LRRIQ1: variants seen among roughly 807,000 people sequenced by gnomAD.
LRRIQ1 encodes leucine rich repeats and IQ motif containing 1.
A neutral mutation model predicts 211.9 loss-of-function variants in LRRIQ1; 210 were observed. That is an observed-to-expected ratio of 0.99 (90% CI 0.89 to 1.11). LRRIQ1 has a LOEUF of 1.11. Among genes scored for constraint, LRRIQ1 ranks in the 50% most tolerant of loss-of-function variants. LRRIQ1 has a pLI of 0.00. For synonymous variants in LRRIQ1, 699 were observed against 650.1 expected (o/e 1.08, Z -1.14); for missense variants, 2,136 against 1,939.5 (o/e 1.10, Z -1.90).
At chr12:85,185,464 A>G (rs1892180907) in intron 24 of LRRIQ1, among the ~76,000 whole-genome samples, 1 of 151,930 alleles carries the variant, frequency 6.6e-6, no homozygotes, top group Non-Finnish European at 1.5e-5. Flanking sequence ...TCTATTTTAA[A>G]GATGATTTGT....
intron 24 of LRRIQ1, among the ~76,000 whole-genome samples, chr12:85,172,924 T>A (rs1891489107): frequency 6.6e-6 from 1 of 151,636 alleles, no homozygotes; most frequent in Admixed American, 6.6e-5. Context: ...CTGGTGAACA[T>A]GGTGAAACCC....
intron 13 of LRRIQ1, among the ~76,000 whole-genome samples, chr12:85,103,176 A>G: frequency 6.6e-6 from 1 of 150,464 alleles, no homozygotes; most frequent in East Asian, 1.9e-4. Context: ...GGTATTTTTA[A>G]TATCACTATT....
intron 1 of LRRIQ1, among the ~76,000 whole-genome samples, chr12:85,037,488 TTTTCTTTTCTTTTC>T (rs1429104684): frequency 3.3e-5 from 5 of 152,140 alleles, no homozygotes; most frequent in Non-Finnish European, 7.4e-5. Flanking sequence ...TTCACTTTGT[TTTTCTTTTCTTTTC>T]TTTCTTTTCC....
chr12:85,156,060 T>C (rs1263794237), intron 23 of LRRIQ1, among the ~76,000 whole-genome samples: 1 of 151,664 alleles, frequency 6.6e-6, no homozygotes, highest in East Asian at 1.9e-4. Context: ...TAACTTAACA[T>C]TTTGGGTTAG....
At chr12:85,141,641 C>T (rs1306244414) in intron 19 of LRRIQ1, among the ~76,000 whole-genome samples, 5 of 143,424 alleles carry the variant, frequency 3.5e-5, no homozygotes, top group African/African-American at 1.3e-4. Context: ...TCTCATTCAA[C>T]TTTACTGTGA....
chr12:85,161,900 C>T (rs779504082), intron 24 of LRRIQ1, among the ~76,000 whole-genome samples: 3 of 151,854 alleles, frequency 2.0e-5, no homozygotes, highest in African/African-American at 4.8e-5. Flanking sequence ...ATTAGCCGGG[C>T]GTGGTGGTGG....
chr12:85,193,569 A>G (rs1892717720), intron 24 of LRRIQ1, among the ~76,000 whole-genome samples: 1 of 148,104 alleles, frequency 6.8e-6, no homozygotes, highest in Non-Finnish European at 1.5e-5. Context: ...ATCCAGCCAA[A>G]CTAAGCTTCA....
intron 18 of LRRIQ1, among the ~76,000 whole-genome samples, chr12:85,134,730 A>G (rs180996103): frequency 2.1e-4 from 32 of 152,096 alleles, no homozygotes; most frequent in African/African-American, 7.0e-4. Context: ...AAGAAAAAAG[A>G]TAAGTGCACT....
chr12:85,201,211 G>A (rs981013105), intron 24 of LRRIQ1, among the ~76,000 whole-genome samples: 1 of 149,998 alleles, frequency 6.7e-6, no homozygotes, highest in African/African-American at 2.4e-5. Flanking sequence ...GTTCATCGAG[G>A]CTATTGGCCT....
intron 24 of LRRIQ1, among the ~76,000 whole-genome samples, chr12:85,203,437 A>G (rs1444603594): frequency 1.3e-5 from 2 of 152,294 alleles, no homozygotes; most frequent in East Asian, 1.9e-4. Context: ...TTGGAACTGG[A>G]TAAGAGGCAG....
chr12:85,264,371 A>T (rs1039234776), exon 2 of LRRIQ1: 1 of 152,042 alleles, frequency 6.6e-6, no homozygotes, highest in Non-Finnish European at 1.5e-5. Flanking sequence ...GTTTCATAAT[A>T]TTAACTTTGA....
Position 85,152,343 on chromosome 12 carries a change from C to T in LRRIQ1, c.4393C>T (p.Leu1465Phe). The change falls in exon 20 of 27, where the codon CTT becomes TTT. Residue 1465 changes from leucine to phenylalanine, a missense_variant. Leu to Phe is a conservative substitution (Grantham distance 22). Coordinates refer to ENST00000393217, the MANE Select transcript of LRRIQ1 (RefSeq NM_001079910.2). ...STRFPSQTLL[L>F]SNQLHWPKIP... ...CCGCTTCCCTTCACAAACACTGCTT[C>T]TTTCAAACCAGCTGCATTGGCCAAA... 6.2e-7 allele frequency: 1 copy of T among 1,611,286 alleles called. No individual in the cohort carries two copies. The highest frequency in any genetic ancestry group is 8.5e-7 in the Non-Finnish European group (1 of 1,178,270).
intron 18 of LRRIQ1, among the ~76,000 whole-genome samples, chr12:85,129,637 A>G (rs1210482765): frequency 6.6e-6 from 1 of 152,192 alleles, no homozygotes; most frequent in East Asian, 1.9e-4. Context: ...TTCGAGGCAA[A>G]GGAACATCAG....
chr12:85,136,202 G>A (rs1407487762), intron 18 of LRRIQ1, among the ~76,000 whole-genome samples: 3 of 148,514 alleles, frequency 2.0e-5, no homozygotes, highest in Admixed American at 6.8e-5. Context: ...ACACACATAC[G>A]TATACAGTGG....
At chr12:85,220,459 A>G (rs1240949262) in intron 24 of LRRIQ1, among the ~76,000 whole-genome samples, 2 of 151,892 alleles carry the variant, frequency 1.3e-5, no homozygotes, top group African/African-American at 4.8e-5. Flanking sequence ...GCTTTTCATG[A>G]AAAAAAGAAT....
chr12:85,235,750 T>C (rs1895145856), intron 26 of LRRIQ1, among the ~76,000 whole-genome samples: 1 of 152,082 alleles, frequency 6.6e-6, no homozygotes, highest in South Asian at 2.1e-4. Flanking sequence ...GTCTAGAAAA[T>C]GTGTCAGTTG....
intron 26 of LRRIQ1, among the ~76,000 whole-genome samples, chr12:85,238,033 G>A (rs1413936335): frequency 6.6e-6 from 1 of 151,894 alleles, no homozygotes; most frequent in Non-Finnish European, 1.5e-5. Flanking sequence ...AGATCTAAAT[G>A]TTGAGGAAAC....
chr12:85,092,496 C>G (rs1458146945), intron 11 of LRRIQ1, among the ~76,000 whole-genome samples: 1 of 152,158 alleles, frequency 6.6e-6, no homozygotes, highest in East Asian at 1.9e-4. Flanking sequence ...GTGAAAGACT[C>G]TTCAAATGAT....
At chr12:85,076,656 G>T (rs1370663388) in intron 11 of LRRIQ1, 9 of 382,360 alleles carry the variant, frequency 2.4e-5, no homozygotes, top group Non-Finnish European at 3.2e-5. Context: ...CTGTGTCGTG[G>T]CTCATAGTGC....
Sources: gnomAD v4.1 joint callset for allele counts (sites outside exome capture counted in the v4.1 genomes callset) on GRCh38, gnomAD v4.1.1 for gene constraint, MANE v1.5 for transcripts, NCBI Gene and HGNC (gene_info 2026-07-23, HGNC 2026-07-21) for gene names.